ALKBH1: variants seen among roughly 807,000 people sequenced by gnomAD.
ALKBH1 encodes the protein nucleic acid dioxygenase ALKBH1.
Under a neutral mutation model 36.6 loss-of-function variants are expected in ALKBH1, and 31 were observed. The ratio of observed to expected loss-of-function variants is 0.85; its 90% CI spans 0.64 to 1.14. ALKBH1 has a LOEUF of 1.14. Among genes scored for constraint, ALKBH1 ranks in the 50% most tolerant of loss-of-function variants. The pLI is 0.00. For missense variants in ALKBH1, 490 were observed against 497.3 expected, an observed-to-expected ratio of 0.99 and a Z score of 0.14; for synonymous variants, 183 against 186.6, an observed-to-expected ratio of 0.98 and a Z score of 0.16.
Position 77,675,742 on chromosome 14 carries a change from G to T in ALKBH1, c.654C>A (p.Ile218=). ...GFEDFRAEAG[I]LNYYRLDSTL... ...TGGAGTCCAGGCGGTAGTAATTCAGGATCCCTGCTTCAGCTCGGAAATCCT... is the reference window on the plus strand; with the variant it reads ...TGGAGTCCAGGCGGTAGTAATTCAGTATCCCTGCTTCAGCTCGGAAATCCT... The change falls in exon 5 of 6, where the codon ATC becomes ATA. Residue 218 remains isoleucine (I), a synonymous_variant. Coordinates refer to ENST00000216489, the MANE Select transcript of ALKBH1 (RefSeq NM_006020.3). The T allele has an allele frequency of 6.2e-7, 1 of 1,614,160 alleles. No homozygotes were observed. Among genetic ancestry groups the T allele is most frequent in the Non-Finnish European group, 8.5e-7 (1 of 1,180,026 alleles).
chr14:77,675,532 T>A, intron 5 of ALKBH1, 124 bp downstream of exon 5: 1 of 691,456 alleles, frequency 1.4e-6, no homozygotes, highest in Non-Finnish European at 2.3e-6. Context: ...TTCCCAGAAG[T>A]GGAAGATTAT....
intron 1 of ALKBH1, among the ~76,000 whole-genome samples, chr14:77,704,784 A>T (rs983510077): frequency 2.6e-5 from 4 of 152,200 alleles, no homozygotes; most frequent in African/African-American, 4.8e-5. Context: ...TGTACTGCTT[A>T]CTTGATCTGG....
At position 77,704,945 on chromosome 14, in the gene ALKBH1, T is replaced by C. The variant is rs541899584; in HGVS notation, c.184-468A>G. On this transcript the variant is annotated intron_variant, in intron 1 of 5. Coordinates refer to ENST00000216489, the MANE Select transcript of ALKBH1 (RefSeq NM_006020.3). The stretch of plus-strand genomic sequence containing the variant: ...AAAACTACTTTTTCCTATGACATCA[T>C]ACCTTTCCAACTTCTTATGGGGCTG... Among the ~76,000 whole-genome samples, 28 of 152,362 alleles carry C rather than the reference T, an allele frequency of 1.8e-4. No homozygotes were observed. The South Asian group carries it at 3.5e-3, about 19-fold the overall frequency.
chr14:77,692,512 G>A (rs972790777), intron 3 of ALKBH1, among the ~76,000 whole-genome samples: 1 of 152,170 alleles, frequency 6.6e-6, no homozygotes, highest in African/African-American at 2.4e-5. Flanking sequence ...CAGGGTTCGC[G>A]CTCCTATGAG....
intron 1 of ALKBH1, 88 bp from the exon 2 acceptor site, chr14:77,704,565 A>T: frequency 1.0e-6 from 1 of 957,566 alleles, no homozygotes; most frequent in Non-Finnish European, 1.7e-6. Context: ...CATTTCTTGT[A>T]TGAGGCAAAG....
At position 77,673,854 on chromosome 14, in the gene ALKBH1, C is replaced by G. The variant is rs1211189681; in HGVS notation, c.1128G>C (p.Gln376His). 1.9e-6 allele frequency: 3 copies of G among 1,614,092 alleles called. No homozygotes were observed. The highest frequency in any genetic ancestry group is 2.5e-6 in the Non-Finnish European group (3 of 1,180,048). Reference protein sequence around the residue: ...STEGFCHLDDQNSEVKRARIN... With the variant: ...STEGFCHLDDHNSEVKRARIN... ...TCCTGGCCCGTTTTACTTCGCTATT[C>G]TGGTCATCCAGATGGCAGAAACCTT... Residue 376 changes from glutamine to histidine, a missense_variant, in exon 6 of 6, where the codon CAG becomes CAC. Transcript: ENST00000216489.
intron 3 of ALKBH1, among the ~76,000 whole-genome samples, chr14:77,692,211 A>C (rs2080301046): frequency 6.6e-6 from 1 of 152,226 alleles, no homozygotes; most frequent in South Asian, 2.1e-4. Flanking sequence ...ATAAGGAAAG[A>C]ACTGTTATGA....
intron 3 of ALKBH1, among the ~76,000 whole-genome samples, chr14:77,689,784 A>G (rs915128222): frequency 6.6e-6 from 1 of 152,226 alleles, no homozygotes; most frequent in Non-Finnish European, 1.5e-5. Flanking sequence ...AGAGTATTTC[A>G]TAAGCTAATT....
chr14:77,707,499 C>G (rs757076435), intron 1 of ALKBH1, among the ~76,000 whole-genome samples: 10 of 152,040 alleles, frequency 6.6e-5, no homozygotes, highest in Non-Finnish European at 1.0e-4. Flanking sequence ...TCTACCCTAC[C>G]GTCTACAAAG....
intron 2 of ALKBH1, among the ~76,000 whole-genome samples, chr14:77,699,699 C>T (rs1157059993): frequency 1.3e-5 from 2 of 152,124 alleles, no homozygotes; most frequent in African/African-American, 4.8e-5. Context: ...GGATTTGCGG[C>T]CATGGAACAA....
chr14:77,693,103 G>A (rs977720924), intron 3 of ALKBH1, among the ~76,000 whole-genome samples: 1 of 151,778 alleles, frequency 6.6e-6, no homozygotes, highest in Non-Finnish European at 1.5e-5. Flanking sequence ...CTACTCTGGA[G>A]GCTGAGGCAG....
chr14:77,686,402 A>G (rs1218247220), intron 3 of ALKBH1, among the ~76,000 whole-genome samples: 1 of 152,124 alleles, frequency 6.6e-6, no homozygotes, highest in Non-Finnish European at 1.5e-5. Flanking sequence ...ATCTTTATCC[A>G]ATTATCCAAA....
chr14:77,700,702 G>T (rs2080354694), intron 2 of ALKBH1, among the ~76,000 whole-genome samples: 1 of 152,110 alleles, frequency 6.6e-6, no homozygotes, highest in Non-Finnish European at 1.5e-5. Context: ...TAATACTTCT[G>T]GTTTAGTCCA....
Position 77,673,975 on chromosome 14 carries a change from G to GT in ALKBH1, c.1006dup (p.Thr336AsnfsTer5), listed in dbSNP as rs757443084. 5 of 1,614,176 alleles carry GT rather than the reference G, an allele frequency of 3.1e-6. No individual in the cohort carries two copies. The South Asian group carries it at 5.5e-5, about 18-fold the overall frequency. ...TCGGACAGTCATGTTAACACGAGCG[G>GT]TCTTCAAGTAGCTGGCACACACCTG... On this transcript the variant is annotated frameshift_variant, in exon 6 of 6. Transcript: ENST00000216489. LOFTEE classifies it high-confidence loss of function.
intron 2 of ALKBH1, among the ~76,000 whole-genome samples, chr14:77,698,199 C>T (rs1168880688): frequency 6.6e-6 from 1 of 152,038 alleles, no homozygotes; most frequent in African/African-American, 2.4e-5. Flanking sequence ...CCTAAGTATG[C>T]TTACAGATTG....
chr14:77,705,784 G>A (rs2139869041), intron 1 of ALKBH1, among the ~76,000 whole-genome samples: 1 of 152,328 alleles, frequency 6.6e-6, no homozygotes, highest in Non-Finnish European at 1.5e-5. Flanking sequence ...AGGCCGAGCG[G>A]TGGCTCACAC....
rs559071620 is a variant in ALKBH1, at chr14:77,699,825, A to C, written c.292+4544T>G. On this transcript the variant is annotated intron_variant, in intron 2 of 5. Coordinates refer to ENST00000216489, the MANE Select transcript of ALKBH1 (RefSeq NM_006020.3). ...AATCCCAGCACTTTGGGAGGCAAGG[A>C]GGGCGGATCACGAGGTCAGGAGATC... is the stretch of plus-strand genomic sequence containing the variant. 5.1e-4 allele frequency among the ~76,000 whole-genome samples: 78 copies of C among 152,188 alleles called. No individual in the cohort carries two copies. The South Asian group carries it at 0.011, about 21-fold the overall frequency.
intron 3 of ALKBH1, among the ~76,000 whole-genome samples, chr14:77,693,202 G>T (rs1188970178): frequency 8.3e-6 from 1 of 120,616 alleles, no homozygotes; most frequent in Non-Finnish European, 1.7e-5. Context: ...GCGAAACTCC[G>T]TCTCAAAAAA....
chr14:77,676,755 C>T (rs1194529207), intron 4 of ALKBH1, among the ~76,000 whole-genome samples: 1 of 152,152 alleles, frequency 6.6e-6, no homozygotes, highest in Non-Finnish European at 1.5e-5. Flanking sequence ...CTAAAACTAT[C>T]CTAAACTAAA....
Sources: allele counts gnomAD v4.1 joint callset (sites outside exome capture counted in the v4.1 genomes callset), GRCh38; gene constraint gnomAD v4.1.1; transcripts MANE v1.5; gene names NCBI Gene and HGNC (gene_info 2026-07-23, HGNC 2026-07-21).